LRRC4C: variants seen among roughly 807,000 people sequenced by gnomAD.
LRRC4C encodes the protein leucine rich repeat containing 4C.
In LRRC4C, 5 loss-of-function variants were observed where a neutral mutation model predicts 33.6. The observed-to-expected ratio is 0.15, with a 90% CI of 0.08 to 0.31. The LOEUF (loss-of-function observed/expected upper bound fraction) is 0.31. Ranked by LOEUF, LRRC4C falls within the 10% of genes least tolerant of loss-of-function variation. The pLI, the probability that LRRC4C is intolerant of heterozygous loss-of-function variation, is 1.00. For synonymous variants in LRRC4C, 329 were observed against 302.0 expected (o/e 1.09, Z -0.93); for missense variants, 560 against 796.7 (o/e 0.70, Z 3.58).
intron 5 of LRRC4C, among the ~76,000 whole-genome samples, chr11:40,171,919 G>A (rs539363064): frequency 6.7e-6 from 1 of 149,094 alleles, no homozygotes; most frequent in Admixed American, 6.7e-5. Flanking sequence ...GACTTGGGAG[G>A]CTGAAGCAGG....
chr11:41,332,431 C>T (rs943447137), intron 1 of LRRC4C, among the ~76,000 whole-genome samples: 5 of 152,102 alleles, frequency 3.3e-5, no homozygotes, highest in Non-Finnish European at 5.9e-5. Context: ...TAATGAAGCT[C>T]TAGGTAAGCA....
chr11:41,332,014 T>G (rs1489429129), intron 1 of LRRC4C, among the ~76,000 whole-genome samples: 1 of 152,222 alleles, frequency 6.6e-6, no homozygotes, highest in Non-Finnish European at 1.5e-5. Context: ...TAACCTTATA[T>G]GTATTTGTTT....
chr11:40,176,358 T>C (rs1200838305), intron 5 of LRRC4C, among the ~76,000 whole-genome samples: 1 of 152,220 alleles, frequency 6.6e-6, no homozygotes, highest in Non-Finnish European at 1.5e-5. Flanking sequence ...TTTTGTTCAC[T>C]GTTTATTCTC....
chr11:40,189,665 A>G (rs1861677566), intron 5 of LRRC4C, among the ~76,000 whole-genome samples: 1 of 152,240 alleles, frequency 6.6e-6, no homozygotes, highest in African/African-American at 2.4e-5. Context: ...ATAAAAAGAG[A>G]TGATGAATGT....
chr11:40,374,950 T>G (rs1590505106), intron 3 of LRRC4C, among the ~76,000 whole-genome samples: 1 of 152,326 alleles, frequency 6.6e-6, no homozygotes, highest in East Asian at 1.9e-4. Context: ...GTCACATAGC[T>G]GGCAAGCAAC....
chr11:41,355,223 C>T (rs1297179591), intron 1 of LRRC4C, among the ~76,000 whole-genome samples: 2 of 152,040 alleles, frequency 1.3e-5, no homozygotes, highest in Non-Finnish European at 2.9e-5. Flanking sequence ...AAAAAATGCT[C>T]AGCATCCCTA....
At chr11:40,578,023 A>G (rs1958276373) in intron 3 of LRRC4C, among the ~76,000 whole-genome samples, 1 of 149,944 alleles carries the variant, frequency 6.7e-6, no homozygotes, top group African/African-American at 2.5e-5. Flanking sequence ...TTAGGTAGAG[A>G]CGGGGTTTCA....
intron 1 of LRRC4C, among the ~76,000 whole-genome samples, chr11:41,047,204 C>CA (rs1290129472): frequency 1.3e-5 from 2 of 151,788 alleles, no homozygotes; most frequent in East Asian, 3.9e-4. Flanking sequence ...TAAAAATTCG[C>CA]AAAAAATTTG....
At chr11:40,388,974 C>T (rs956132524) in intron 3 of LRRC4C, among the ~76,000 whole-genome samples, 9 of 152,022 alleles carry the variant, frequency 5.9e-5, no homozygotes, top group African/African-American at 2.2e-4. Context: ...ACTTGTTTTG[C>T]GTTCATTCTA....
chr11:40,827,011 C>T (rs983925864), intron 2 of LRRC4C, among the ~76,000 whole-genome samples: 19 of 151,878 alleles, frequency 1.3e-4, no homozygotes, highest in Non-Finnish European at 2.1e-4. Context: ...CTTTTGATAA[C>T]GTACTAATTT....
chr11:41,000,994 CA>C (rs1854333791), intron 1 of LRRC4C, among the ~76,000 whole-genome samples: 1 of 152,172 alleles, frequency 6.6e-6, no homozygotes, highest in South Asian at 2.1e-4. Flanking sequence ...TATATGCCAT[CA>C]GTTAATCAGC....
chr11:40,398,903 A>G (rs1238370663), intron 3 of LRRC4C, among the ~76,000 whole-genome samples: 5 of 152,140 alleles, frequency 3.3e-5, no homozygotes. Flanking sequence ...TGACGTACCT[A>G]ATTTCAATTT....
Position 41,164,388 on chromosome 11 carries a change from C to A in LRRC4C, c.-495-230665G>T, listed in dbSNP as rs11036263. ...GATAACAATGTCTTCTCTTCAGTAC[C>A]TCCTGAGGAACCTGCCTGAGGCTGT... On this transcript the variant is annotated intron_variant, in intron 1 of 6. Coordinates refer to ENST00000528697, the MANE Select transcript of LRRC4C (RefSeq NM_001258419.2). 2.6e-5 allele frequency among the ~76,000 whole-genome samples: 4 copies of A among 152,192 alleles called. No homozygotes were observed. In the East Asian group the frequency reaches 7.7e-4, roughly 29 times the overall value.
rs562187155 is a variant in LRRC4C at position 40,946,087 on chromosome 11, T to C, written c.-495-12364A>G. On this transcript the variant is annotated intron_variant, in intron 1 of 6. Coordinates refer to ENST00000528697, the MANE Select transcript of LRRC4C (RefSeq NM_001258419.2). ...AATTTTTCCACCCTTGTTTCTCTCC[T>C]GCCCTCCTCCCTCTAGTAGTCCTCA... Among the ~76,000 whole-genome samples the C allele has an allele frequency of 2.6e-5, 4 of 152,260 alleles. No individual in the cohort carries two copies. The East Asian group carries it at 7.7e-4, about 29-fold the overall frequency.
chr11:40,516,462 C>T (rs1955563918), intron 3 of LRRC4C, among the ~76,000 whole-genome samples: 1 of 152,042 alleles, frequency 6.6e-6, no homozygotes, highest in Non-Finnish European at 1.5e-5. Flanking sequence ...ATGAGTGCCT[C>T]TGCTTGGTGC....
intron 2 of LRRC4C, among the ~76,000 whole-genome samples, chr11:40,747,801 G>A (rs1948498319): frequency 6.6e-6 from 1 of 151,978 alleles, no homozygotes; most frequent in Non-Finnish European, 1.5e-5. Flanking sequence ...ACAATAAACT[G>A]GATAAAGCAG....
At chr11:40,783,968 A>G (rs1172860472) in intron 2 of LRRC4C, among the ~76,000 whole-genome samples, 1 of 152,154 alleles carries the variant, frequency 6.6e-6, no homozygotes, top group Non-Finnish European at 1.5e-5. Context: ...CATTGGACAA[A>G]TACCGCTATT....
chr11:40,500,606 C>T (rs1335021066), intron 3 of LRRC4C, among the ~76,000 whole-genome samples: 1 of 151,868 alleles, frequency 6.6e-6, no homozygotes, highest in East Asian at 1.9e-4. Flanking sequence ...CTGATAAAAC[C>T]ATGAGATCTC....
rs1266838577 is a variant in LRRC4C, at chr11:41,125,731, G to A, written c.-495-192008C>T. The stretch of plus-strand genomic sequence containing the variant: ...GAGTGTGGTAGACATGATATTATAT[G>A]AGGGAACAGTTCAACCCACAGCAAG... On this transcript the variant is annotated intron_variant, in intron 1 of 6. Transcript: ENST00000528697. 5.3e-5 allele frequency among the ~76,000 whole-genome samples: 8 copies of A among 152,260 alleles called. 1 individual carries two copies. In the East Asian group the frequency reaches 1.5e-3, roughly 29 times the overall value.
Sources: allele counts gnomAD v4.1 joint callset (sites outside exome capture counted in the v4.1 genomes callset), GRCh38; gene constraint gnomAD v4.1.1; transcripts MANE v1.5; gene names NCBI Gene and HGNC (gene_info 2026-07-23, HGNC 2026-07-21).